Variants in CFAP44 observed in about 807,000 individuals in gnomAD.
CFAP44 encodes cilia- and flagella-associated protein 44.
In CFAP44, 134 loss-of-function variants were observed where a neutral mutation model predicts 216.2. The observed-to-expected ratio is 0.62, with a 90% CI of 0.54 to 0.72. The LOEUF (loss-of-function observed/expected upper bound fraction) is 0.72, where lower values mean the gene tolerates loss of function less well. Ranked by LOEUF, CFAP44 falls within the 30% of genes least tolerant of loss-of-function variation. The pLI is 0.00. For synonymous variants in CFAP44, 700 were observed against 727.6 expected (o/e 0.96, Z 0.61); for missense variants, 2,035 against 2,182.1 (o/e 0.93, Z 1.34).
At chr3:113,297,247 A>G (rs1949890695) in intron 32 of CFAP44, among the ~76,000 whole-genome samples, 1 of 152,182 alleles carries the variant, frequency 6.6e-6, no homozygotes, top group East Asian at 1.9e-4. Context: ...CACTTCAGAG[A>G]AGTCTCCATC....
intron 1 of CFAP44, among the ~76,000 whole-genome samples, chr3:113,438,006 A>G (rs1935276249): frequency 6.6e-6 from 1 of 152,174 alleles, no homozygotes; most frequent in Non-Finnish European, 1.5e-5. Context: ...TTTTATATAC[A>G]GAGTTCTCAA....
At chr3:113,413,638 G>A (rs574357666) in intron 6 of CFAP44, among the ~76,000 whole-genome samples, 14 of 152,174 alleles carry the variant, frequency 9.2e-5, no homozygotes, top group East Asian at 3.9e-4. Context: ...TCCTTTCCCC[G>A]TTGCTTGTTT....
At chr3:113,431,145 G>A (rs960274840) in intron 2 of CFAP44, among the ~76,000 whole-genome samples, 4 of 152,152 alleles carry the variant, frequency 2.6e-5, no homozygotes, top group Admixed American at 2.6e-4. Flanking sequence ...GTTTTCAGGG[G>A]TGGGGGGAAT....
chr3:113,416,494 A>G (rs747384919), intron 6 of CFAP44, 31 bp downstream of exon 6: 2 of 1,498,346 alleles, frequency 1.3e-6, no homozygotes, highest in Non-Finnish European at 9.2e-7. Context: ...ATCCTTGAAC[A>G]TGAAATATTT....
intron 22 of CFAP44, among the ~76,000 whole-genome samples, chr3:113,354,324 T>G (rs756867407): frequency 1.3e-5 from 2 of 152,212 alleles, no homozygotes; most frequent in Non-Finnish European, 2.9e-5. Flanking sequence ...GGATCACCCA[T>G]GCAGGTTCCC....
At chr3:113,392,117 T>C (rs1416506358) in intron 15 of CFAP44, among the ~76,000 whole-genome samples, 1 of 152,178 alleles carries the variant, frequency 6.6e-6, no homozygotes, top group Non-Finnish European at 1.5e-5. Context: ...ATTGCATCAC[T>C]ATTCACAATA....
chr3:113,308,178 T>C lies in CFAP44; in HGVS notation c.4607A>G (p.Asp1536Gly), dbSNP rs1286139723. The C allele has an allele frequency of 2.0e-6, 3 of 1,534,072 alleles. No individual in the cohort carries two copies. The highest frequency in any genetic ancestry group is 2.6e-6 in the Non-Finnish European group (3 of 1,146,130). ...DESESEDEVF[D>G]DSICPTNCDV... The stretch of plus-strand genomic sequence containing the variant: ...CTTACTTGTTGGGCAAATAGAATCA[T>C]CAAAAACCTCATCTTCTGATTCAGA... The change falls in exon 29 of 35, where the codon GAT (aspartate) becomes GGT (glycine). Residue 1536 changes from aspartate to glycine, a missense_variant. By Grantham distance (94) the Asp-to-Gly change is moderately conservative (BLOSUM62 -1). This residue lies in a region of CFAP44 where 1,883 missense variants were observed against 2,023.7 expected (regional missense o/e 0.93). Coordinates refer to ENST00000393845, the MANE Select transcript of CFAP44 (RefSeq NM_001164496.2).
At chr3:113,316,288 A>G (rs1477678607) in intron 28 of CFAP44, among the ~76,000 whole-genome samples, 1 of 152,220 alleles carries the variant, frequency 6.6e-6, no homozygotes, top group East Asian at 1.9e-4. Context: ...TGTGAGATGC[A>G]GCCAAAGCAG....
chr3:113,373,286 C>T, intron 18 of CFAP44, 125 bp downstream of exon 18: 1 of 914,238 alleles, frequency 1.1e-6, no homozygotes. Context: ...ATTTATTTAA[C>T]CAAATATTTT....
chr3:113,344,461 T>C, intron 23 of CFAP44, 55 bp downstream of exon 23: 1 of 1,449,048 alleles, frequency 6.9e-7, no homozygotes, highest in Non-Finnish European at 9.3e-7. Flanking sequence ...CACAGACAAT[T>C]CACTTTTGAA....
intron 2 of CFAP44, chr3:113,428,943 A>G (rs1339355896): frequency 6.6e-6 from 1 of 152,118 alleles, no homozygotes; most frequent in Non-Finnish European, 1.5e-5. Context: ...TATCTGAGAG[A>G]TACTGCTTCC....
chr3:113,364,224 T>C lies in CFAP44; in HGVS notation c.2716-692A>G, dbSNP rs1950567722. Among the ~76,000 whole-genome samples, 3 of 152,258 alleles carry C rather than the reference T, an allele frequency of 2.0e-5. No individual in the cohort carries two copies. The South Asian group carries it at 6.2e-4, about 32-fold the overall frequency. On this transcript the variant is annotated intron_variant, in intron 19 of 34. Transcript: ENST00000393845. ...TTAAGGAAGGAGAATTATAACCCAG[T>C]GAACAAAATAGTCTTAGTTTGCTAA...
At chr3:113,336,019 T>C (rs1319586851) in intron 24 of CFAP44, among the ~76,000 whole-genome samples, 1 of 152,120 alleles carries the variant, frequency 6.6e-6, no homozygotes, top group Non-Finnish European at 1.5e-5. Flanking sequence ...TTGGACTAAG[T>C]GATAATAAAT....
intron 22 of CFAP44, among the ~76,000 whole-genome samples, chr3:113,355,769 T>TAA (rs112057738): frequency 6.9e-6 from 1 of 144,342 alleles, no homozygotes; most frequent in Admixed American, 7.0e-5. Flanking sequence ...TTTAAAGTAT[T>TAA]AAAAAAAAAA....
At chr3:113,400,744 A>G in intron 11 of CFAP44, 100 bp from the exon 12 acceptor site, 1 of 1,065,520 alleles carries the variant, frequency 9.4e-7, no homozygotes. Context: ...AACACATGTG[A>G]TTTTATTTGG....
At chr3:113,320,996 G>A (rs1044468075) in intron 28 of CFAP44, among the ~76,000 whole-genome samples, 7 of 151,946 alleles carry the variant, frequency 4.6e-5, no homozygotes, top group African/African-American at 1.5e-4. Flanking sequence ...ATCACAGGAG[G>A]GATTCCTCCC....
chr3:113,440,198 C>T (rs145496901), intron 1 of CFAP44, among the ~76,000 whole-genome samples: 1 of 151,900 alleles, frequency 6.6e-6, no homozygotes, highest in South Asian at 2.1e-4. Context: ...CGAGTAGCTG[C>T]GATTACAGGC....
At chr3:113,346,738 A>C (rs1432568951) in intron 22 of CFAP44, among the ~76,000 whole-genome samples, 1 of 152,230 alleles carries the variant, frequency 6.6e-6, no homozygotes, top group Non-Finnish European at 1.5e-5. Flanking sequence ...AAAATGGACC[A>C]ATCAGCACTC....
chr3:113,348,871 G>A (rs6781849), intron 22 of CFAP44, among the ~76,000 whole-genome samples: 7 of 152,218 alleles, frequency 4.6e-5, no homozygotes, highest in African/African-American at 1.7e-4. Context: ...CTCACTTGGA[G>A]AGATGTCATG....
Sources: allele counts gnomAD v4.1 joint callset (sites outside exome capture counted in the v4.1 genomes callset), GRCh38; gene constraint gnomAD v4.1.1; regional missense constraint gnomAD v4.1.1; transcripts MANE v1.5; gene names NCBI Gene and HGNC (gene_info 2026-07-23, HGNC 2026-07-21).